Variants in SP100 observed in about 807,000 individuals in gnomAD.
SP100 encodes the protein SP100 nuclear body protein, also known as nuclear autoantigen Sp-100.
A neutral mutation model predicts 130.0 loss-of-function variants in SP100; 84 were observed. The observed-to-expected ratio is 0.65, with a 90% CI of 0.54 to 0.77. The LOEUF is 0.77. Ranked by LOEUF, SP100 falls within the 30% of genes least tolerant of loss-of-function variation. SP100 has a pLI of 0.00. For missense variants in SP100, 978 were observed against 1,052.2 expected (o/e 0.93, Z 0.97); for synonymous variants, 331 against 351.7 (o/e 0.94, Z 0.66).
At chr2:230,495,468 T>C (rs1227096541) in intron 18 of SP100, among the ~76,000 whole-genome samples, 1 of 152,042 alleles carries the variant, frequency 6.6e-6, no homozygotes, top group Non-Finnish European at 1.5e-5. Flanking sequence ...TACAGGCGCA[T>C]ACCATCATGC....
intron 2 of SP100, among the ~76,000 whole-genome samples, chr2:230,423,609 C>T (rs551394657): frequency 6.6e-6 from 1 of 152,272 alleles, no homozygotes; most frequent in South Asian, 2.1e-4. Context: ...ACTTAATTTA[C>T]TTGCAGTGTT....
intron 8 of SP100, among the ~76,000 whole-genome samples, chr2:230,460,547 TG>T (rs1314078649): frequency 6.6e-6 from 1 of 150,590 alleles, no homozygotes; most frequent in African/African-American, 2.4e-5. Context: ...AAACAGTTAA[TG>T]GGAAGTGTCA....
chr2:230,467,327 C>A, intron 13 of SP100, 112 bp downstream of exon 13: 1 of 726,310 alleles, frequency 1.4e-6, no homozygotes, highest in Non-Finnish European at 2.4e-6. Context: ...TCTGCATCTA[C>A]CTCATCTGGC....
intron 13 of SP100, 59 bp from the exon 14 acceptor site, chr2:230,468,984 A>C: frequency 1.9e-6 from 2 of 1,072,864 alleles, no homozygotes; most frequent in Non-Finnish European, 2.8e-6. Context: ...GTAAGCAGTC[A>C]TAAGATTTAT....
chr2:230,521,515 C>A (rs916314316), intron 24 of SP100, among the ~76,000 whole-genome samples: 4 of 152,140 alleles, frequency 2.6e-5, no homozygotes, highest in Non-Finnish European at 5.9e-5. Context: ...CCCTATAAAC[C>A]CCTAATTTTA....
intron 2 of SP100, among the ~76,000 whole-genome samples, chr2:230,422,420 T>C (rs2062793746): frequency 6.6e-6 from 1 of 152,190 alleles, no homozygotes; most frequent in Non-Finnish European, 1.5e-5. Context: ...ATGCCTCTCA[T>C]TGACTGTGCC....
chr2:230,461,241 T>G (rs2064607023), intron 8 of SP100, 21 bp from the exon 9 acceptor site: 4 of 1,609,382 alleles, frequency 2.5e-6, no homozygotes, highest in African/African-American at 1.3e-5. Context: ...CAAATGAAAA[T>G]TCTTCATTTA....
Position 230,446,866 on chromosome 2 carries a change from G to C in SP100, c.487G>C (p.Glu163Gln). 4 of 1,612,318 alleles carry C rather than the reference G, an allele frequency of 2.5e-6. No homozygotes were observed. The highest frequency in any genetic ancestry group is 3.4e-6 in the Non-Finnish European group (4 of 1,178,624). ...CCAAGAAAGTGAAGAAGAAGAGAGG[G>C]AGGAGAGGTCTGGCCTCCAACTAAG... is the stretch of plus-strand genomic sequence containing the variant. Reference protein sequence around the residue: ...PLQESEEEEREERSGLQLSLE... With the variant: ...PLQESEEEERQERSGLQLSLE... The change falls in exon 5 of 29, where the codon GAG becomes CAG. Residue 163 changes from glutamate (E) to glutamine (Q), a missense_variant. Coordinates refer to ENST00000340126, the MANE Select transcript of SP100 (RefSeq NM_001080391.2).
At chr2:230,451,396 AG>A (rs1264990067) in intron 8 of SP100, among the ~76,000 whole-genome samples, 1 of 152,202 alleles carries the variant, frequency 6.6e-6, no homozygotes, top group Non-Finnish European at 1.5e-5. Flanking sequence ...TATCCGAGGC[AG>A]GGCATTTTTT....
chr2:230,520,282 T>G (rs1472651574), intron 24 of SP100, among the ~76,000 whole-genome samples: 1 of 152,216 alleles, frequency 6.6e-6, no homozygotes, highest in Non-Finnish European at 1.5e-5. Context: ...AAAAACCATT[T>G]GGTCACAGAC....
At chr2:230,466,497 TG>T in intron 12 of SP100, 143 bp downstream of exon 12, 1 of 596,154 alleles carries the variant, frequency 1.7e-6, no homozygotes, top group East Asian at 2.9e-5. Context: ...TAAATTTCAA[TG>T]GTTCCTATTT....
chr2:230,428,855 C>T (rs1444920986), intron 2 of SP100, among the ~76,000 whole-genome samples: 1 of 152,244 alleles, frequency 6.6e-6, no homozygotes. Flanking sequence ...CCTCCCCCAA[C>T]ACTGGGGATT....
chr2:230,513,769 G>A (rs1690750980), intron 24 of SP100, among the ~76,000 whole-genome samples: 1 of 152,234 alleles, frequency 6.6e-6, no homozygotes, highest in South Asian at 2.1e-4. Flanking sequence ...TTTGGCCTTA[G>A]CCATGGATCG....
intron 17 of SP100, among the ~76,000 whole-genome samples, chr2:230,487,475 T>C (rs2150030997): frequency 6.6e-6 from 1 of 152,346 alleles, no homozygotes; most frequent in East Asian, 1.9e-4. Context: ...AAAGATCAGA[T>C]GGTTGCAGAT....
intron 17 of SP100, among the ~76,000 whole-genome samples, chr2:230,482,581 T>A (rs35393970): frequency 0.2 from 29,895 of 152,106 alleles, 3,490 homozygotes; most frequent in African/African-American, 0.32. Flanking sequence ...ATTGATTTTT[T>A]TTTTTTAGTG....
At chr2:230,421,313 A>AT (rs1459851240) in intron 2 of SP100, among the ~76,000 whole-genome samples, 1 of 152,098 alleles carries the variant, frequency 6.6e-6, no homozygotes, top group Non-Finnish European at 1.5e-5. Flanking sequence ...CCCTCCTGGA[A>AT]TTATCCATTC....
chr2:230,447,570 C>T (rs1292616829), intron 5 of SP100, among the ~76,000 whole-genome samples: 1 of 152,136 alleles, frequency 6.6e-6, no homozygotes, highest in African/African-American at 2.4e-5. Context: ...GTAGATCACA[C>T]AGATCTCATG....
chr2:230,511,625 G>A (rs553877916), intron 24 of SP100, among the ~76,000 whole-genome samples: 1 of 150,906 alleles, frequency 6.6e-6, no homozygotes, highest in East Asian at 1.9e-4. Context: ...TGGTGAGTTC[G>A]AGGTATGGAC....
At chr2:230,494,368 C>A in intron 17 of SP100, 48 bp from the exon 18 acceptor site, 1 of 1,368,566 alleles carries the variant, frequency 7.3e-7, no homozygotes, top group Middle Eastern at 1.8e-4. Flanking sequence ...GTGTGTAAAT[C>A]TTTGTTTATA....
Sources: allele counts gnomAD v4.1 joint callset (sites outside exome capture counted in the v4.1 genomes callset), GRCh38; gene constraint gnomAD v4.1.1; transcripts MANE v1.5; gene names NCBI Gene and HGNC (gene_info 2026-07-23, HGNC 2026-07-21).